The following ZMAT5 variants were observed in gnomAD, a reference collection of about 807,000 sequenced individuals.
ZMAT5 encodes zinc finger matrin-type protein 5.
Under a neutral mutation model 28.0 loss-of-function variants are expected in ZMAT5, and 23 were observed. That is an observed-to-expected ratio of 0.82 (90% confidence interval 0.59 to 1.16). ZMAT5 has a LOEUF of 1.16. Ranked by LOEUF, ZMAT5 falls within the 50% of genes most tolerant of loss-of-function variation. ZMAT5 has a pLI of 0.00. For missense variants in ZMAT5, 173 were observed against 212.7 expected, an observed-to-expected ratio of 0.81 and a Z score of 1.16; for synonymous variants, 76 against 84.1, an observed-to-expected ratio of 0.90 and a Z score of 0.52.
At chr22:29,756,445 C>T (rs1270593333) in intron 1 of ZMAT5, among the ~76,000 whole-genome samples, 1 of 152,186 alleles carries the variant, frequency 6.6e-6, no homozygotes, top group Admixed American at 6.5e-5. Flanking sequence ...ACACCTTTTT[C>T]ATCCTGACCT....
At chr22:29,764,282 C>A (rs2079698154) in intron 1 of ZMAT5, among the ~76,000 whole-genome samples, 1 of 152,210 alleles carries the variant, frequency 6.6e-6, no homozygotes, top group African/African-American at 2.4e-5. Flanking sequence ...AGTAGTCTTC[C>A]CCTGGAGCCT....
At chr22:29,740,504 G>T in intron 4 of ZMAT5, 146 bp downstream of exon 4, 1 of 772,956 alleles carries the variant, frequency 1.3e-6, no homozygotes. Flanking sequence ...GGCCCAAACC[G>T]GGGGCTCAGG....
intron 1 of ZMAT5, among the ~76,000 whole-genome samples, chr22:29,758,191 G>A (rs936981544): frequency 2.6e-5 from 4 of 152,180 alleles, no homozygotes; most frequent in East Asian, 1.9e-4. Flanking sequence ...CCCTCTGGCC[G>A]CAGTTAAGCC....
At chr22:29,763,290 C>CTAAATAAA (rs1477144084) in intron 1 of ZMAT5, among the ~76,000 whole-genome samples, 1 of 61,418 alleles carries the variant, frequency 1.6e-5, no homozygotes, top group East Asian at 8.7e-4. Context: ...GAGACTCTGC[C>CTAAATAAA]TCAATAAATA....
chr22:29,764,518 T>C (rs1468470000), intron 1 of ZMAT5, among the ~76,000 whole-genome samples: 1 of 152,172 alleles, frequency 6.6e-6, no homozygotes, highest in Admixed American at 6.5e-5. Flanking sequence ...TTTGTTTGTT[T>C]TGTTTTCATT....
intron 1 of ZMAT5, among the ~76,000 whole-genome samples, chr22:29,763,647 G>A (rs764028148): frequency 7.3e-5 from 11 of 151,386 alleles, no homozygotes; most frequent in Non-Finnish European, 1.0e-4. Context: ...AATTAGGCTG[G>A]GGAGATGGCT....
intron 1 of ZMAT5, among the ~76,000 whole-genome samples, chr22:29,763,164 G>A (rs113292646): frequency 3.3e-5 from 5 of 152,030 alleles, no homozygotes; most frequent in Admixed American, 1.3e-4. Context: ...GTGGTGGCAG[G>A]TGCCTGTAAT....
intron 1 of ZMAT5, among the ~76,000 whole-genome samples, chr22:29,757,815 C>T (rs746610573): frequency 6.6e-5 from 10 of 152,130 alleles, no homozygotes; most frequent in East Asian, 1.9e-4. Flanking sequence ...GTCAGGAGTT[C>T]GAGACCAGCC....
chr22:29,738,301 C>T, intron 5 of ZMAT5, 29 bp downstream of exon 5: 1 of 1,597,488 alleles, frequency 6.3e-7, no homozygotes. Flanking sequence ...CCAGGGGGCA[C>T]AGCGGGAGGG....
chr22:29,744,175 CTG>C (rs1288593644), intron 2 of ZMAT5, among the ~76,000 whole-genome samples: 1 of 152,178 alleles, frequency 6.6e-6, no homozygotes, highest in Non-Finnish European at 1.5e-5. Context: ...AGGTTTGCCT[CTG>C]GGGCCAGCAG....
chr22:29,766,452 A>G (rs985914421), intron 1 of ZMAT5, among the ~76,000 whole-genome samples: 4 of 152,206 alleles, frequency 2.6e-5, no homozygotes. Flanking sequence ...CCCACTCCGT[A>G]GATTGAGCGC....
intron 1 of ZMAT5, among the ~76,000 whole-genome samples, chr22:29,756,898 G>C (rs1194676421): frequency 6.6e-6 from 1 of 152,074 alleles, no homozygotes; most frequent in Non-Finnish European, 1.5e-5. Flanking sequence ...AATTAGCTGG[G>C]CATGATGGTG....
At chr22:29,740,289 T>C (rs949551511) in intron 4 of ZMAT5, among the ~76,000 whole-genome samples, 2 of 152,126 alleles carry the variant, frequency 1.3e-5, no homozygotes, top group Non-Finnish European at 2.9e-5. Flanking sequence ...GTAAGGGGTC[T>C]GCTTGGTGCC....
At chr22:29,759,262 G>C (rs131279) in intron 1 of ZMAT5, among the ~76,000 whole-genome samples, 63,486 of 151,852 alleles carry the variant, frequency 0.42, 13,894 homozygotes, top group East Asian at 0.6. Flanking sequence ...TCTGCCTCCC[G>C]CTTCTTCTCT....
intron 4 of ZMAT5, among the ~76,000 whole-genome samples, chr22:29,739,023 A>G (rs1008832522): frequency 4.0e-5 from 6 of 150,416 alleles, no homozygotes; most frequent in African/African-American, 1.2e-4. Context: ...AAAAAAAAAA[A>G]AGAGAGAGAG....
rs770110578 is a variant in ZMAT5 at position 29,742,419 on chromosome 22, T to G, written c.189A>C (p.Thr63=). The G allele has an allele frequency of 6.2e-7, 1 of 1,613,096 alleles. No homozygotes were observed. Among genetic ancestry groups the G allele is most frequent in the Non-Finnish European group, 8.5e-7 (1 of 1,179,816 alleles). The change falls in exon 3 of 6, where the codon ACA becomes ACC. Residue 63 remains threonine, a splice_region_variant and synonymous_variant. Coordinates refer to ENST00000344318, the MANE Select transcript of ZMAT5 (RefSeq NM_001003692.2). ...CCTGAGCTGTGCAGAGGACTTTACCTGTCAGTAGAAACTTCCTGCAGGGCC... is the reference window on the plus strand; with the variant it reads ...CCTGAGCTGTGCAGAGGACTTTACCGGTCAGTAGAAACTTCCTGCAGGGCC... ...NKRPCRKFLL[T]GQCDFGSNCR... is the part of the protein sequence containing the mutation.
chr22:29,750,853 T>C (rs1295571621), intron 1 of ZMAT5, among the ~76,000 whole-genome samples: 1 of 152,052 alleles, frequency 6.6e-6, no homozygotes, highest in South Asian at 2.1e-4. Context: ...GCCAAGCAGG[T>C]TGATGGAGAA....
At chr22:29,744,392 G>A (rs1197711366) in intron 2 of ZMAT5, among the ~76,000 whole-genome samples, 4 of 127,050 alleles carry the variant, frequency 3.1e-5, no homozygotes, top group Non-Finnish European at 5.1e-5. Flanking sequence ...CGGGCGGGGG[G>A]TGTGGTCTGC....
chr22:29,732,455 TG>T (rs2067857473), intron 5 of ZMAT5, among the ~76,000 whole-genome samples: 1 of 152,100 alleles, frequency 6.6e-6, no homozygotes, highest in African/African-American at 2.4e-5. Context: ...ACGTGCACAT[TG>T]GCCGGGCGCA....
Sources: gnomAD v4.1 joint callset for allele counts (sites outside exome capture counted in the v4.1 genomes callset) on GRCh38, gnomAD v4.1.1 for gene constraint, MANE v1.5 for transcripts, NCBI Gene and HGNC (gene_info 2026-07-23, HGNC 2026-07-21) for gene names.